ACOX3: variants seen among roughly 807,000 people sequenced by gnomAD.
ACOX3 encodes the protein peroxisomal acyl-coenzyme A oxidase 3.
ACOX3 carries 73 observed loss-of-function variants against 81.5 expected under a neutral mutation model. That is an observed-to-expected ratio of 0.90 (90% CI 0.74 to 1.09). The LOEUF (loss-of-function observed/expected upper bound fraction) is 1.09. ACOX3 is among the 50% of genes least tolerant of loss of function. The pLI is 0.00. For missense variants in ACOX3, 947 were observed against 928.0 expected, an observed-to-expected ratio of 1.02 and a Z score of -0.27; for synonymous variants, 387 against 375.1, an observed-to-expected ratio of 1.03 and a Z score of -0.37.
At chr4:8,420,351 T>A (rs1722806308) in intron 1 of ACOX3, among the ~76,000 whole-genome samples, 1 of 152,174 alleles carries the variant, frequency 6.6e-6, no homozygotes, top group Non-Finnish European at 1.5e-5. Flanking sequence ...TTGGGGGTGA[T>A]AATACAGTGA....
chr4:8,376,348 T>TAAA (rs61689829), intron 14 of ACOX3, among the ~76,000 whole-genome samples: 32,293 of 148,480 alleles, frequency 0.22, 3,451 homozygotes, highest in Middle Eastern at 0.27. Flanking sequence ...CTTTTAAAAT[T>TAAA]AAAAAAAAAA....
At chr4:8,425,994 A>C (rs1181404077) in intron 1 of ACOX3, among the ~76,000 whole-genome samples, 1 of 152,042 alleles carries the variant, frequency 6.6e-6, no homozygotes, top group Non-Finnish European at 1.5e-5. Flanking sequence ...CAGGAAACCC[A>C]CCTCGCATGG....
rs1560199625 is a variant in ACOX3 at position 8,416,119 on chromosome 4, CCAGA to C, written c.145-124_145-121del. ...GGGACACAGTCTGACCCGGAGACAC[CCAGA>C]CAGAGATATGACTATCATTCCCAAT... On this transcript the variant is annotated intron_variant, in intron 2 of 17. Coordinates refer to ENST00000356406, the MANE Select transcript of ACOX3 (RefSeq NM_003501.3). This position sits in a 1 kb window ranked among gnomAD's most constrained non-coding sequence, Gnocchi z 4.2. 4 of 1,077,454 alleles carry C rather than the reference CCAGA, an allele frequency of 3.7e-6. No homozygotes were observed. Among genetic ancestry groups the C allele is most frequent in the Middle Eastern group, 2.1e-4 (1 of 4,738 alleles). 66.7% of individuals were successfully genotyped at this position (1,077,454 alleles called of 1,614,324 possible).
chr4:8,410,493 T>C, intron 5 of ACOX3, 138 bp from the exon 6 acceptor site: 1 of 1,179,772 alleles, frequency 8.5e-7, no homozygotes, highest in South Asian at 1.5e-5. Context: ...CACATTTTAG[T>C]TCTTGTATGG....
chr4:8,435,251 G>A (rs576547552), intron 1 of ACOX3, among the ~76,000 whole-genome samples: 25 of 152,324 alleles, frequency 1.6e-4, no homozygotes, highest in African/African-American at 5.5e-4. Flanking sequence ...AGCACTTTGG[G>A]AGGCCGAGGC....
intron 14 of ACOX3, among the ~76,000 whole-genome samples, chr4:8,380,268 C>A (rs1280922284): frequency 1.3e-5 from 2 of 149,192 alleles, no homozygotes; most frequent in Non-Finnish European, 2.9e-5. Context: ...CGGCTCTCTG[C>A]AACCTCCACC....
intron 5 of ACOX3, among the ~76,000 whole-genome samples, chr4:8,413,829 G>A (rs906027810): frequency 2.0e-5 from 3 of 152,240 alleles, no homozygotes; most frequent in Non-Finnish European, 4.4e-5. Flanking sequence ...GCAAGGACCC[G>A]AGGAGTCAGA....
chr4:8,358,973 C>T, the ACOX3 span, among the ~76,000 whole-genome samples: 21 of 152,242 alleles, frequency 1.4e-4, no homozygotes, highest in African/African-American at 2.2e-4. Flanking sequence ...AACCCTCTCT[C>T]GGGGTCTGGA....
intron 1 of ACOX3, among the ~76,000 whole-genome samples, chr4:8,428,758 C>G (rs750313037): frequency 6.6e-6 from 1 of 152,238 alleles, no homozygotes; most frequent in Non-Finnish European, 1.5e-5. Context: ...TCAGGACCCC[C>G]AGTCTGGGGC....
At chr4:8,372,065 C>T (rs577660642) in intron 16 of ACOX3, among the ~76,000 whole-genome samples, 3 of 152,280 alleles carry the variant, frequency 2.0e-5, no homozygotes, top group Admixed American at 2.0e-4. Context: ...AACGGTCATC[C>T]AGCCTTGGCC....
Position 8,381,427 on chromosome 4 carries a change from G to A in ACOX3, c.1653+65C>T. On this transcript the variant is annotated intron_variant, in intron 14 of 17. Transcript: ENST00000356406. The surrounding 1 kb of genome is among the most constrained non-coding windows in gnomAD (Gnocchi z 4.3). The stretch of plus-strand genomic sequence containing the variant: ...ATTGCCAGGATGTTCAAACTCCCAG[G>A]GACACAACGGCCAGGGAATTAAGAG... 1 of 1,469,206 alleles carries A rather than the reference G, an allele frequency of 6.8e-7. No individual in the cohort carries two copies. The highest frequency in any genetic ancestry group is 9.5e-7 in the Non-Finnish European group (1 of 1,058,144). The allele number at this position is 1,469,206 out of a possible 1,614,324, so 91.0% of individuals were successfully genotyped here.
chr4:8,359,810 T>C, the ACOX3 span, among the ~76,000 whole-genome samples: 1 of 152,180 alleles, frequency 6.6e-6, no homozygotes, highest in Non-Finnish European at 1.5e-5. The surrounding 1 kb of genome is among the most constrained non-coding windows in gnomAD (Gnocchi z 6.0). Flanking sequence ...CTGTGCAAAC[T>C]GGTTGAATAA....
In ACOX3 at chr4:8,370,527, G is replaced by C. The variant is rs962225739; in HGVS notation, c.1983+381C>G. On this transcript the variant is annotated intron_variant, in intron 17 of 17. Coordinates refer to ENST00000356406, the MANE Select transcript of ACOX3 (RefSeq NM_003501.3). This position sits in a 1 kb window ranked among gnomAD's most constrained non-coding sequence, Gnocchi z 6.3. ...CTGGGGATTCCAGGACAGGGATGGG[G>C]GAAGAGGCCTGCAGGGCCAGGAGCA... Among the ~76,000 whole-genome samples the C allele has an allele frequency of 6.7e-6, 1 of 150,278 alleles. No homozygotes were observed. The highest frequency in any genetic ancestry group is 2.1e-4 in the South Asian group (1 of 4,732).
chr4:8,404,230 G>A (rs1029604232), intron 7 of ACOX3, among the ~76,000 whole-genome samples: 7 of 152,170 alleles, frequency 4.6e-5, no homozygotes, highest in Non-Finnish European at 7.3e-5. Context: ...CACGGGCACC[G>A]TCCATGCCAA....
In ACOX3 at chr4:8,405,599, A is replaced by C. The variant is rs557367542; in HGVS notation, c.776+356T>G. Reference sequence around the variant, plus strand: ...TCGAGATCAGCATGGATGTGTGCAGAGGCCGAGCCGGGGGAGGCTCAGGAT... The same window carrying C: ...TCGAGATCAGCATGGATGTGTGCAGCGGCCGAGCCGGGGGAGGCTCAGGAT... On this transcript the variant is annotated intron_variant, in intron 7 of 17. Coordinates refer to ENST00000356406, the MANE Select transcript of ACOX3 (RefSeq NM_003501.3). This position sits in a 1 kb window ranked among gnomAD's most constrained non-coding sequence, Gnocchi z 7.1. 6.6e-6 allele frequency among the ~76,000 whole-genome samples: 1 copy of C among 152,352 alleles called. No individual in the cohort carries two copies. Among genetic ancestry groups the C allele is most frequent in the Non-Finnish European group, 1.5e-5 (1 of 68,032 alleles).
intron 1 of ACOX3, among the ~76,000 whole-genome samples, chr4:8,421,994 A>C (rs1262552531): frequency 6.6e-6 from 1 of 152,386 alleles, no homozygotes; most frequent in East Asian, 1.9e-4. Flanking sequence ...TGTCTACGAC[A>C]ACAGAATAGA....
chr4:8,438,741 T>G (rs1427927181), intron 1 of ACOX3: 1 of 152,244 alleles, frequency 6.6e-6, no homozygotes, highest in African/African-American at 2.4e-5. Flanking sequence ...CCTTATACTG[T>G]AATCTTTTCC....
At chr4:8,358,244 C>CT in the ACOX3 span, 1 of 152,196 alleles carries the variant, frequency 6.6e-6, no homozygotes, top group African/African-American at 2.4e-5. Context: ...CCTTATTAGG[C>CT]TTTTTCTGGA....
At chr4:8,365,449 C>G (rs192059433), downstream of ACOX3, among the ~76,000 whole-genome samples, 21 of 152,362 alleles carry the variant, frequency 1.4e-4, no homozygotes, top group African/African-American at 4.8e-4. Flanking sequence ...TGGATACCAG[C>G]ACCTACCTAT....
Sources: gnomAD v4.1 joint callset for allele counts (sites outside exome capture counted in the v4.1 genomes callset) on GRCh38, gnomAD v4.1.1 for gene constraint, Gnocchi (gnomAD v3.1) non-coding constraint, MANE v1.5 for transcripts, NCBI Gene and HGNC (gene_info 2026-07-23, HGNC 2026-07-21) for gene names.